Variants in IQCJ observed in about 807,000 individuals in gnomAD.
The protein encoded by IQCJ is IQ domain-containing protein J.
A neutral mutation model predicts 11.0 loss-of-function variants in IQCJ; 9 were observed. That is an observed-to-expected ratio of 0.82 (90% confidence interval 0.49 to 1.43). The LOEUF is 1.43. IQCJ is among the 40% of genes most tolerant of loss of function. The pLI, the probability that IQCJ is intolerant of heterozygous loss-of-function variation, is 0.00. For synonymous variants in IQCJ, 55 were observed against 51.3 expected (o/e 1.07, Z -0.31); for missense variants, 146 against 133.2 (o/e 1.10, Z -0.47).
At chr3:159,201,876 G>A (rs2108068383) in intron 1 of IQCJ, among the ~76,000 whole-genome samples, 1 of 152,108 alleles carries the variant, frequency 6.6e-6, no homozygotes, top group Admixed American at 6.5e-5. Context: ...TATTTATTGG[G>A]CACTTTGGTG....
intron 2 of IQCJ, among the ~76,000 whole-genome samples, chr3:159,251,122 G>A (rs927751830): frequency 1.3e-5 from 2 of 152,038 alleles, no homozygotes; most frequent in African/African-American, 4.8e-5. Context: ...GTAACCCCAA[G>A]CTATCTTGGG....
intron 1 of IQCJ, among the ~76,000 whole-genome samples, chr3:159,158,237 G>A (rs949990126): frequency 6.6e-6 from 1 of 152,196 alleles, no homozygotes; most frequent in African/African-American, 2.4e-5. Context: ...ACAAGCAGCA[G>A]TTCTAGAAGC....
At chr3:159,089,582 C>G (rs1433582037) in intron 1 of IQCJ, among the ~76,000 whole-genome samples, 1 of 151,832 alleles carries the variant, frequency 6.6e-6, no homozygotes, top group Non-Finnish European at 1.5e-5. Context: ...TTGGTCTTTT[C>G]ACATAGTCCC....
chr3:159,179,208 G>T (rs1223660843), intron 1 of IQCJ, among the ~76,000 whole-genome samples: 1 of 152,146 alleles, frequency 6.6e-6, no homozygotes, highest in Non-Finnish European at 1.5e-5. Context: ...GCTAGACATG[G>T]AACCAGGGAC....
At chr3:159,143,181 G>GA (rs1224785244) in intron 1 of IQCJ, among the ~76,000 whole-genome samples, 2 of 152,164 alleles carry the variant, frequency 1.3e-5, no homozygotes, top group Non-Finnish European at 2.9e-5. Flanking sequence ...GATGAAGTGT[G>GA]AAAAAATCAC....
chr3:159,137,117 C>T (rs1169791142), intron 1 of IQCJ, among the ~76,000 whole-genome samples: 1 of 152,028 alleles, frequency 6.6e-6, no homozygotes, highest in Non-Finnish European at 1.5e-5. Context: ...CAAGAATTAG[C>T]TGGATGCAGT....
chr3:159,081,000 T>C (rs1346404431), intron 1 of IQCJ, among the ~76,000 whole-genome samples: 1 of 152,082 alleles, frequency 6.6e-6, no homozygotes, highest in Non-Finnish European at 1.5e-5. Flanking sequence ...ACAGAAAATC[T>C]GCTAAACTGG....
At chr3:159,227,850 A>G (rs1725951648) in intron 1 of IQCJ, among the ~76,000 whole-genome samples, 1 of 152,192 alleles carries the variant, frequency 6.6e-6, no homozygotes, top group African/African-American at 2.4e-5. Flanking sequence ...GCAATCCTCA[A>G]TTTTAAGACT....
intron 1 of IQCJ, among the ~76,000 whole-genome samples, chr3:159,082,586 C>T (rs1413960290): frequency 6.6e-6 from 1 of 152,004 alleles, no homozygotes; most frequent in Non-Finnish European, 1.5e-5. Context: ...CAAAGCATCT[C>T]TGAAAGACCT....
chr3:159,141,576 T>C (rs1270429331), intron 1 of IQCJ, among the ~76,000 whole-genome samples: 1 of 152,246 alleles, frequency 6.6e-6, no homozygotes, highest in African/African-American at 2.4e-5. Flanking sequence ...ATGTTTGTGA[T>C]AAGTTTCTGA....
At chr3:159,185,922 C>A (rs1723346558) in intron 1 of IQCJ, among the ~76,000 whole-genome samples, 1 of 152,132 alleles carries the variant, frequency 6.6e-6, no homozygotes, top group Non-Finnish European at 1.5e-5. Context: ...ATTTTATTTG[C>A]TAGAAGGAAG....
intron 1 of IQCJ, among the ~76,000 whole-genome samples, chr3:159,094,358 G>A (rs1040186415): frequency 6.6e-6 from 1 of 150,580 alleles, no homozygotes; most frequent in African/African-American, 2.5e-5. Flanking sequence ...TTCTTCAGAG[G>A]CACCTCAGTG....
intron 1 of IQCJ, among the ~76,000 whole-genome samples, chr3:159,078,556 T>A (rs1716099056): frequency 6.6e-6 from 1 of 151,558 alleles, no homozygotes; most frequent in Admixed American, 6.6e-5. Context: ...CCCCGCCTTT[T>A]TTTTTTTGCC....
intron 1 of IQCJ, among the ~76,000 whole-genome samples, chr3:159,224,706 C>G (rs61796042): frequency 0.038 from 5,704 of 151,300 alleles, 144 homozygotes; most frequent in South Asian, 0.12. Flanking sequence ...GCTTTTGAAC[C>G]TAGTTTCTTG....
In IQCJ at chr3:159,262,581, G is replaced by A; in HGVS notation, c.189G>A (p.Arg63=). The A allele has an allele frequency of 6.2e-7, 1 of 1,613,834 alleles. No individual in the cohort carries two copies. The highest frequency in any genetic ancestry group is 8.5e-7 in the Non-Finnish European group (1 of 1,179,784). ...GAGCATGGCGAGAGTACCTGCAGCG[G>A]CAGGAGCCCCTGGGGAAGAGGAGCC... ...IQRAWREYLQ[R]QEPLGKRSPS... Residue 63 remains arginine (R), a synonymous_variant, in exon 4 of 4, where the codon CGG becomes CGA. Transcript: ENST00000397832.
chr3:159,223,811 A>G (rs1725688746), intron 1 of IQCJ, among the ~76,000 whole-genome samples: 1 of 152,172 alleles, frequency 6.6e-6, no homozygotes, highest in Non-Finnish European at 1.5e-5. Context: ...TCATGTGATG[A>G]GTGGACAAAG....
chr3:159,145,498 A>C (rs1005349132), intron 1 of IQCJ, among the ~76,000 whole-genome samples: 5 of 152,202 alleles, frequency 3.3e-5, no homozygotes, highest in African/African-American at 1.2e-4. Flanking sequence ...TTTCACAGGA[A>C]TAATGAGTGT....
chr3:159,114,988 G>C (rs1268289763), intron 1 of IQCJ, among the ~76,000 whole-genome samples: 1 of 152,076 alleles, frequency 6.6e-6, no homozygotes, highest in Non-Finnish European at 1.5e-5. Flanking sequence ...CATCAAATCT[G>C]GAATAGTTAG....
intron 1 of IQCJ, among the ~76,000 whole-genome samples, chr3:159,154,609 C>T (rs1721412607): frequency 6.6e-6 from 1 of 152,112 alleles, no homozygotes; most frequent in Non-Finnish European, 1.5e-5. Flanking sequence ...TTTCCTCTAC[C>T]TCTGGTCTAG....
Sources: allele counts gnomAD v4.1 joint callset (sites outside exome capture counted in the v4.1 genomes callset), GRCh38; gene constraint gnomAD v4.1.1; transcripts MANE v1.5; gene names NCBI Gene and HGNC (gene_info 2026-07-23, HGNC 2026-07-21).